Variants in TFAP2C observed in about 807,000 individuals in gnomAD.
TFAP2C encodes the protein transcription factor AP-2 gamma, also known as activating enhancer-binding protein 2 gamma.
TFAP2C carries 9 observed loss-of-function variants against 42.9 expected under a neutral mutation model. That is an observed-to-expected ratio of 0.21 (90% CI 0.13 to 0.37). TFAP2C has a LOEUF of 0.37. Ranked by LOEUF, TFAP2C falls within the 10% of genes least tolerant of loss-of-function variation. The pLI is 1.00. For synonymous variants in TFAP2C, 264 were observed against 256.0 expected (o/e 1.03, Z -0.30); for missense variants, 462 against 591.7 (o/e 0.78, Z 2.27).
Position 56,629,595 on chromosome 20 carries a change from G to A in TFAP2C, c.48+3G>A. 1 of 1,417,580 alleles carries A rather than the reference G, an allele frequency of 7.1e-7. No individual in the cohort carries two copies. The highest frequency in any genetic ancestry group is 1.5e-5 in the African/African-American group (1 of 67,584). 87.8% of individuals were successfully genotyped at this position (1,417,580 alleles called of 1,614,324 possible). ...TCAAGTACGAAGAGGACTGCGAGGT[G>A]AGCTGGGGCTCCGGGGTGCAGCCCC... On this transcript the variant is annotated splice_donor_region_variant and intron_variant, in intron 1 of 6. Coordinates refer to ENST00000201031, the MANE Select transcript of TFAP2C (RefSeq NM_003222.4). This position sits in a 1 kb window ranked among gnomAD's most constrained non-coding sequence, Gnocchi z 5.9.
In TFAP2C at chr20:56,636,903, T is replaced by C. The variant is rs1033836590; in HGVS notation, c.1067+149T>C. ...CAAAAGAAAATGGCAAGGGAGCTTCTTTTACAAAGTCAAATACATTAACTT... is the reference window on the plus strand; with the variant it reads ...CAAAAGAAAATGGCAAGGGAGCTTCCTTTACAAAGTCAAATACATTAACTT... On this transcript the variant is annotated intron_variant, in intron 6 of 6. Transcript: ENST00000201031. 3 of 971,560 alleles carry C rather than the reference T, an allele frequency of 3.1e-6. No homozygotes were observed. In the African/African-American group the frequency reaches 5.0e-5, roughly 16 times the overall value. The allele number at this position is 971,560 out of a possible 1,614,324, so 60.2% of individuals were successfully genotyped here.
rs1480828057 is a variant in TFAP2C, at chr20:56,631,095, G to T, written c.49-110G>T. ...CGACCCTGGGCAAGCCCCGCCGGGC[G>T]GGGTGCGGTTGGTCCCCCGGGGCCC... On this transcript the variant is annotated intron_variant, in intron 1 of 6. Coordinates refer to ENST00000201031, the MANE Select transcript of TFAP2C (RefSeq NM_003222.4). The surrounding 1 kb of genome is among the most constrained non-coding windows in gnomAD (Gnocchi z 6.1). 6 of 1,436,048 alleles carry T rather than the reference G, an allele frequency of 4.2e-6. No homozygotes were observed. In the African/African-American group the frequency reaches 7.4e-5, roughly 18 times the overall value. 89.0% of individuals were successfully genotyped at this position (1,436,048 alleles called of 1,614,324 possible). A position where few individuals can be genotyped will look rare whatever the true frequency, so the allele number is the denominator to read the frequency against.
At position 56,630,977 on chromosome 20, in the gene TFAP2C, T is replaced by G. The variant is rs1987477155; in HGVS notation, c.49-228T>G. 2 of 985,172 alleles carry G rather than the reference T, an allele frequency of 2.0e-6. No individual in the cohort carries two copies. The highest frequency in any genetic ancestry group is 1.7e-5 in the African/African-American group (1 of 57,208). The allele number at this position is 985,172 out of a possible 1,614,324, so 61.0% of individuals were successfully genotyped here. ...ACCTTCGCCGCCGGGCTTTGAGAAC[T>G]CGTTCCCCCAGGTCTTTCACCAGAC... On this transcript the variant is annotated intron_variant, in intron 1 of 6. Coordinates refer to ENST00000201031, the MANE Select transcript of TFAP2C (RefSeq NM_003222.4). The surrounding 1 kb of genome is among the most constrained non-coding windows in gnomAD (Gnocchi z 5.1).
Position 56,630,766 on chromosome 20 carries a change from T to C in TFAP2C, c.49-439T>C. 2 of 985,348 alleles carry C rather than the reference T, an allele frequency of 2.0e-6. No individual in the cohort carries two copies. Among genetic ancestry groups the C allele is most frequent in the Non-Finnish European group, 2.4e-6 (2 of 829,902 alleles). 61.0% of individuals were successfully genotyped at this position (985,348 alleles called of 1,614,324 possible). On this transcript the variant is annotated intron_variant, in intron 1 of 6. Transcript: ENST00000201031. This position sits in a 1 kb window ranked among gnomAD's most constrained non-coding sequence, Gnocchi z 5.1. ...CGCACTCTATCCGCGCCTGCCGCGC[T>C]GCCACCTCCAGCAGTCCCTGCGTCA... is the stretch of plus-strand genomic sequence containing the variant.
rs1459313204 is a variant in TFAP2C, at chr20:56,631,219, G to A, written c.63G>A (p.Gly21=). 6.5e-7 allele frequency: 1 copy of A among 1,540,784 alleles called. No individual in the cohort carries two copies. Among genetic ancestry groups the A allele is most frequent in the Non-Finnish European group, 8.7e-7 (1 of 1,145,568 alleles). Residue 21 remains glycine (G), a synonymous_variant, in exon 2 of 7, where the codon GGG becomes GGA. Transcript: ENST00000201031. The surrounding 1 kb of genome is among the most constrained non-coding windows in gnomAD (Gnocchi z 6.1). ...TTTCCCTCCAGGATCGCCACGACGG[G>A]AGCAGCAATGGGAATCCGCGGGTCC... ...YEEDCEDRHD[G]SSNGNPRVPH... is the part of the protein sequence containing the mutation.
rs541607685 is a variant in TFAP2C at position 56,632,050 on chromosome 20, A to G, written c.586+194A>G. ...CCGACCTCCTAGGAGCTGTCTCTTC[A>G]TCTCCGGAGTTGTTACTGCCTAGTT... On this transcript the variant is annotated intron_variant, in intron 3 of 6. Transcript: ENST00000201031. Among the ~76,000 whole-genome samples, 18 of 152,298 alleles carry G rather than the reference A, an allele frequency of 1.2e-4. No homozygotes were observed. In the South Asian group the frequency reaches 3.7e-3, roughly 32 times the overall value.
rs1212083807 is a variant in TFAP2C at position 56,630,150 on chromosome 20, A to T, written c.48+558A>T. On this transcript the variant is annotated intron_variant, in intron 1 of 6. Transcript: ENST00000201031. This position sits in a 1 kb window ranked among gnomAD's most constrained non-coding sequence, Gnocchi z 5.1. ...GCTCGCGAGTGCTCCAGCCTGTCGG[A>T]CAGGTTGAGCTAGAGTTTCGGAGAG... 3 of 239,722 alleles carry T rather than the reference A, an allele frequency of 1.3e-5. No individual in the cohort carries two copies. The East Asian group carries it at 4.0e-4, about 32-fold the overall frequency. The allele number at this position is 239,722 out of a possible 1,614,324, so 14.8% of individuals were successfully genotyped here.
rs528042448 is a variant in TFAP2C, at chr20:56,634,999, G to A, written c.922+731G>A. 5.3e-5 allele frequency among the ~76,000 whole-genome samples: 8 copies of A among 152,336 alleles called. No individual in the cohort carries two copies. In the South Asian group the frequency reaches 1.7e-3, roughly 32 times the overall value. On this transcript the variant is annotated intron_variant, in intron 5 of 6. Transcript: ENST00000201031. The stretch of plus-strand genomic sequence containing the variant: ...TTGTTACTGCTCCCGGGAAGAGTTG[G>A]ACGCTGAGAGAGGCTTAGGGCTCTC...
rs1555825969 is a variant in TFAP2C, at chr20:56,638,455, CG to C, written c.*443del. 1 of 158,632 alleles carries C rather than the reference CG, an allele frequency of 6.3e-6. No individual in the cohort carries two copies. The highest frequency in any genetic ancestry group is 1.4e-5 in the Non-Finnish European group (1 of 71,660). 9.8% of individuals were successfully genotyped at this position (158,632 alleles called of 1,614,324 possible). A position where few individuals can be genotyped will look rare whatever the true frequency, so the allele number is the denominator to read the frequency against. On this transcript the variant is annotated 3_prime_UTR_variant, in exon 7 of 7. Coordinates refer to ENST00000201031, the MANE Select transcript of TFAP2C (RefSeq NM_003222.4). ...TAAGGTAATGGTTGGTTTTTGTGTC[CG>C]CTAAATATTTACCTTGAAAAAAAGA...
At position 56,630,434 on chromosome 20, in the gene TFAP2C, C is replaced by G; in HGVS notation, c.49-771C>G. 3 of 424,364 alleles carry G rather than the reference C, an allele frequency of 7.1e-6. 1 individual carries two copies. The highest frequency in any genetic ancestry group is 4.9e-5 in the South Asian group (3 of 61,004). The allele number at this position is 424,364 out of a possible 1,614,324, so 26.3% of individuals were successfully genotyped here. A position where few individuals can be genotyped will look rare whatever the true frequency, so the allele number is the denominator to read the frequency against. On this transcript the variant is annotated intron_variant, in intron 1 of 6. Coordinates refer to ENST00000201031, the MANE Select transcript of TFAP2C (RefSeq NM_003222.4). This position sits in a 1 kb window ranked among gnomAD's most constrained non-coding sequence, Gnocchi z 5.1. ...CGCATCCTTTAGAAACTGAGTCGGG[C>G]CGCCCAGGGGCGAGGGAACGTGCGC...
chr20:56,631,055 C>G lies in TFAP2C; in HGVS notation c.49-150C>G, dbSNP rs1309762748. ...ACAACGAAATCCTCGGGGCGCATTGCCCCCGGGTACCTTCCGACCCTGGGC... is the reference window on the plus strand; with the variant it reads ...ACAACGAAATCCTCGGGGCGCATTGGCCCCGGGTACCTTCCGACCCTGGGC... On this transcript the variant is annotated intron_variant, in intron 1 of 6. Transcript: ENST00000201031. This position sits in a 1 kb window ranked among gnomAD's most constrained non-coding sequence, Gnocchi z 6.1. 2 of 1,414,262 alleles carry G rather than the reference C, an allele frequency of 1.4e-6. No individual in the cohort carries two copies. Among genetic ancestry groups the G allele is most frequent in the East Asian group, 5.5e-5 (2 of 36,672 alleles). 87.6% of individuals were successfully genotyped at this position (1,414,262 alleles called of 1,614,324 possible).
Position 56,630,617 on chromosome 20 carries a change from A to C in TFAP2C, c.49-588A>C. ...CGCCCTGTGCGCGCGCTCCCTCTTCACTTCCCAGGGCGGCGCAGGGTGGCG... is the reference window on the plus strand; with the variant it reads ...CGCCCTGTGCGCGCGCTCCCTCTTCCCTTCCCAGGGCGGCGCAGGGTGGCG... On this transcript the variant is annotated intron_variant, in intron 1 of 6. Coordinates refer to ENST00000201031, the MANE Select transcript of TFAP2C (RefSeq NM_003222.4). The surrounding 1 kb of genome is among the most constrained non-coding windows in gnomAD (Gnocchi z 5.1). The C allele has an allele frequency of 1.1e-6, 1 of 918,050 alleles. No homozygotes were observed. The highest frequency in any genetic ancestry group is 1.2e-4 in the East Asian group (1 of 8,386). 56.9% of individuals were successfully genotyped at this position (918,050 alleles called of 1,614,324 possible). A position where few individuals can be genotyped will look rare whatever the true frequency, so the allele number is the denominator to read the frequency against.
chr20:56,634,909 A>C (rs1201263932), intron 5 of TFAP2C, among the ~76,000 whole-genome samples: 3 of 152,208 alleles, frequency 2.0e-5, no homozygotes, highest in African/African-American at 7.2e-5. Flanking sequence ...CCAAGAATGC[A>C]ACACAACCTT....
At position 56,636,634 on chromosome 20, in the gene TFAP2C, A is replaced by T; in HGVS notation, c.947A>T (p.Asp316Val). ...GGTGAAGCTGTTCATTTGGCTAGGGACTTTGCCTATGTCTGTGAAGCCGAA... is the reference window on the plus strand; with the variant it reads ...GGTGAAGCTGTTCATTTGGCTAGGGTCTTTGCCTATGTCTGTGAAGCCGAA... ...VEGEAVHLAR[D>V]FAYVCEAEFP... is the part of the protein sequence containing the mutation. Residue 316 changes from aspartate (D) to valine (V), a missense_variant, in exon 6 of 7, where the codon GAC becomes GTC. Coordinates refer to ENST00000201031, the MANE Select transcript of TFAP2C (RefSeq NM_003222.4). 6.2e-7 allele frequency: 1 copy of T among 1,614,004 alleles called. No homozygotes were observed. Among genetic ancestry groups the T allele is most frequent in the Non-Finnish European group, 8.5e-7 (1 of 1,179,968 alleles).
Position 56,637,744 on chromosome 20 carries a change from T to G in TFAP2C, c.1084T>G (p.Phe362Val). 1 of 1,614,126 alleles carries G rather than the reference T, an allele frequency of 6.2e-7. No individual in the cohort carries two copies. The highest frequency in any genetic ancestry group is 8.5e-7 in the Non-Finnish European group (1 of 1,179,998). The change falls in exon 7 of 7, where the codon TTC (phenylalanine) becomes GTC (valine). Residue 362 changes from phenylalanine to valine, a missense_variant. By Grantham distance (50) the Phe-to-Val change is conservative. Coordinates refer to ENST00000201031, the MANE Select transcript of TFAP2C (RefSeq NM_003222.4). The part of the protein sequence containing the change: ...LLAAQQLCKE[F>V]TELLSQDRTP... The stretch of plus-strand genomic sequence containing the variant: ...TCTTCACAGGCAACTGTGTAAAGAA[T>G]TCACAGAACTTCTCAGCCAAGACCG...
In TFAP2C at chr20:56,631,498, G is replaced by T; in HGVS notation, c.342G>T (p.Leu114=). The T allele has an allele frequency of 6.6e-7, 1 of 1,507,628 alleles. No individual in the cohort carries two copies. Among genetic ancestry groups the T allele is most frequent in the Admixed American group, 2.2e-5 (1 of 44,748 alleles). The allele number at this position is 1,507,628 out of a possible 1,614,324, so 93.4% of individuals were successfully genotyped here. The change falls in exon 2 of 7, where the codon CTG becomes CTT. Residue 114 remains leucine, a synonymous_variant. Transcript: ENST00000201031. This position sits in a 1 kb window ranked among gnomAD's most constrained non-coding sequence, Gnocchi z 6.1. ...PGRQSQEGAG[L]PSHHGRPAGL... is the part of the protein sequence containing the mutation. The stretch of plus-strand genomic sequence containing the variant: ...GCCAGAGCCAGGAGGGAGCGGGGCT[G>T]CCCTCGCACCACGGGCGCCCGGCCG...
rs1987615961 is a variant in TFAP2C, at chr20:56,637,877, G to A, written c.1217G>A (p.Cys406Tyr). The change falls in exon 7 of 7, where the codon TGT (cysteine) becomes TAT (tyrosine). Residue 406 changes from cysteine (C) to tyrosine (Y), a missense_variant. By Grantham distance (194) the Cys-to-Tyr change is radical. Around this residue, in one of 5 missense-constraint regions of TFAP2C, gnomAD observed 130 missense variants for 160.8 expected, o/e 0.81. Transcript: ENST00000201031. The part of the protein sequence containing the change: ...ITHGFGSQAI[C>Y]AAVSALQNYI... ...CACGGGTTTGGCAGCCAGGCCATCT[G>A]TGCCGCGGTGTCTGCCCTGCAGAAC... The A allele has an allele frequency of 6.2e-7, 1 of 1,602,092 alleles. No homozygotes were observed. The highest frequency in any genetic ancestry group is 8.6e-7 in the Non-Finnish European group (1 of 1,169,162).
rs1165103528 is a variant in TFAP2C at position 56,631,818 on chromosome 20, A to G, written c.548A>G (p.Gln183Arg). The G allele has an allele frequency of 6.2e-7, 1 of 1,614,214 alleles. No homozygotes were observed. The highest frequency in any genetic ancestry group is 2.2e-5 in the East Asian group (1 of 44,888). Residue 183 changes from glutamine to arginine, a missense_variant, in exon 3 of 7, where the codon CAG (glutamine) becomes CGG (arginine). This residue lies in a region of TFAP2C where 271 missense variants were observed against 269.7 expected (regional missense o/e 1.00). Coordinates refer to ENST00000201031, the MANE Select transcript of TFAP2C (RefSeq NM_003222.4). The surrounding 1 kb of genome is among the most constrained non-coding windows in gnomAD (Gnocchi z 6.1). ...TCTCTCCCCCAGAATGTCGACGACCAGCACCTGTTGCTGCACGATCAGACA... is the reference window on the plus strand; with the variant it reads ...TCTCTCCCCCAGAATGTCGACGACCGGCACCTGTTGCTGCACGATCAGACA... ...QMDEVQNVDDQHLLLHDQTVI... is the reference protein window; with the variant it reads ...QMDEVQNVDDRHLLLHDQTVI...
intron 5 of TFAP2C, among the ~76,000 whole-genome samples, chr20:56,634,948 AT>A (rs1987556659): frequency 6.6e-6 from 1 of 152,172 alleles, no homozygotes; most frequent in Non-Finnish European, 1.5e-5. Flanking sequence ...AAGTAAAATA[AT>A]TTTTTAAAAA....
Sources: allele counts gnomAD v4.1 joint callset (sites outside exome capture counted in the v4.1 genomes callset), GRCh38; gene constraint gnomAD v4.1.1; regional missense constraint gnomAD v4.1.1; non-coding constraint Gnocchi (gnomAD v3.1); transcripts MANE v1.5; gene names NCBI Gene and HGNC (gene_info 2026-07-23, HGNC 2026-07-21).